Variants in FHIT observed in about 807,000 individuals in gnomAD.
The protein encoded by FHIT is fragile histidine triad diadenosine triphosphatase.
In FHIT, 19 loss-of-function variants were observed where a neutral mutation model predicts 17.9. The ratio of observed to expected loss-of-function variants is 1.06; its 90% CI spans 0.74 to 1.56. FHIT has a LOEUF of 1.56. Ranked by LOEUF, FHIT falls within the 40% of genes most tolerant of loss-of-function variation. The probability of loss-of-function intolerance (pLI) is 0.00; values close to 1 mark genes in which losing one functional copy is unlikely to be tolerated. For synonymous variants in FHIT, 81 were observed against 69.7 expected, an observed-to-expected ratio of 1.16 and a Z score of -0.81; for missense variants, 248 against 189.2, an observed-to-expected ratio of 1.31 and a Z score of -1.82.
intron 5 of FHIT, among the ~76,000 whole-genome samples, chr3:60,458,478 A>G (rs1396093870): frequency 2.6e-4 from 39 of 151,610 alleles, no homozygotes; most frequent in African/African-American, 9.0e-4. Flanking sequence ...TAGGAGATAT[A>G]CCTAATGTTA....
chr3:61,013,249 T>C (rs2031899381), intron 3 of FHIT, among the ~76,000 whole-genome samples: 1 of 152,206 alleles, frequency 6.6e-6, no homozygotes, highest in African/African-American at 2.4e-5. Context: ...TATGCTTTCC[T>C]GGCCCCACTT....
At chr3:59,855,118 G>T (rs370179253) in intron 8 of FHIT, among the ~76,000 whole-genome samples, 1 of 152,058 alleles carries the variant, frequency 6.6e-6, no homozygotes, top group Non-Finnish European at 1.5e-5. Context: ...TTTTCCCCTC[G>T]CAGGGTTCTT....
At chr3:60,035,266 C>T (rs1036361944) in intron 5 of FHIT, among the ~76,000 whole-genome samples, 14 of 152,262 alleles carry the variant, frequency 9.2e-5, no homozygotes, top group African/African-American at 1.9e-4. Flanking sequence ...GCAAAAAGAT[C>T]GCTCTTGTTG....
intron 2 of FHIT, among the ~76,000 whole-genome samples, chr3:61,197,145 T>C (rs1240237835): frequency 6.6e-6 from 1 of 152,230 alleles, no homozygotes; most frequent in African/African-American, 2.4e-5. Context: ...TTTTCATCTG[T>C]TTAAGAAATA....
intron 5 of FHIT, among the ~76,000 whole-genome samples, chr3:60,118,591 G>A (rs1307361408): frequency 6.6e-6 from 1 of 151,886 alleles, no homozygotes; most frequent in Non-Finnish European, 1.5e-5. Flanking sequence ...CTCCCCAGAG[G>A]TAAAGTGACT....
chr3:60,830,464 G>A (rs912056180), intron 3 of FHIT, among the ~76,000 whole-genome samples: 1 of 152,096 alleles, frequency 6.6e-6, no homozygotes, highest in South Asian at 2.1e-4. Context: ...ATTTCTCTCA[G>A]GGAATAAGAT....
chr3:59,846,417 A>T (rs1701722708), intron 8 of FHIT, among the ~76,000 whole-genome samples: 1 of 152,134 alleles, frequency 6.6e-6, no homozygotes, highest in Admixed American at 6.6e-5. Context: ...TGTTGATGTC[A>T]TAAAATTACA....
intron 1 of FHIT, among the ~76,000 whole-genome samples, chr3:61,222,176 GA>G (rs1329196544): frequency 6.6e-6 from 1 of 152,220 alleles, no homozygotes; most frequent in Non-Finnish European, 1.5e-5. Flanking sequence ...ACTCAGAGCA[GA>G]CCAAAGTTCA....
At chr3:61,145,520 C>G (rs1300206436) in intron 2 of FHIT, among the ~76,000 whole-genome samples, 1 of 151,826 alleles carries the variant, frequency 6.6e-6, no homozygotes, top group Non-Finnish European at 1.5e-5. Flanking sequence ...GTTCCACATG[C>G]AATTTAGGAT....
At chr3:60,867,564 A>AGTT (rs1704220773) in intron 3 of FHIT, among the ~76,000 whole-genome samples, 1 of 152,188 alleles carries the variant, frequency 6.6e-6, no homozygotes, top group Non-Finnish European at 1.5e-5. Context: ...TGTTTCATCC[A>AGTT]GTTCTCCTTT....
At chr3:60,116,975 A>T (rs1253482483) in intron 5 of FHIT, among the ~76,000 whole-genome samples, 1 of 152,206 alleles carries the variant, frequency 6.6e-6, no homozygotes, top group South Asian at 2.1e-4. Context: ...TAAAAAAATG[A>T]TTTAAATACA....
At chr3:60,563,619 A>G (rs147906648) in intron 4 of FHIT, among the ~76,000 whole-genome samples, 1 of 152,352 alleles carries the variant, frequency 6.6e-6, no homozygotes, top group Non-Finnish European at 1.5e-5. Flanking sequence ...AAACAGTAAG[A>G]AAGTAAAACA....
intron 8 of FHIT, among the ~76,000 whole-genome samples, chr3:59,809,885 T>C (rs1327685415): frequency 6.6e-6 from 1 of 152,176 alleles, no homozygotes; most frequent in Non-Finnish European, 1.5e-5. Flanking sequence ...CCTGGGGCCT[T>C]GGAAGCAAGC....
intron 8 of FHIT, among the ~76,000 whole-genome samples, chr3:59,836,382 T>A (rs1161341909): frequency 2.0e-5 from 3 of 152,116 alleles, no homozygotes; most frequent in Non-Finnish European, 4.4e-5. Context: ...CTGGTTTGGA[T>A]AACTAAGTAG....
chr3:59,876,378 G>C (rs1470945829), intron 8 of FHIT, among the ~76,000 whole-genome samples: 2 of 152,116 alleles, frequency 1.3e-5, no homozygotes, highest in Non-Finnish European at 2.9e-5. Flanking sequence ...ATTTAAACTA[G>C]AATAATCTGG....
intron 7 of FHIT, among the ~76,000 whole-genome samples, chr3:59,998,118 T>G (rs906760012): frequency 9.2e-5 from 14 of 152,172 alleles, no homozygotes; most frequent in African/African-American, 2.9e-4. Context: ...TTTATCTTTG[T>G]GCAAATTGCT....
At chr3:60,672,891 G>GTGTGTGTGTT (rs2040540881) in intron 4 of FHIT, among the ~76,000 whole-genome samples, 1 of 151,180 alleles carries the variant, frequency 6.6e-6, no homozygotes, top group Admixed American at 6.6e-5. Context: ...GTGTGTGTGT[G>GTGTGTGTGTT]TGTGTGTGTG....
chr3:59,874,841 T>C (rs1215011104), intron 8 of FHIT, among the ~76,000 whole-genome samples: 1 of 152,240 alleles, frequency 6.6e-6, no homozygotes, highest in Non-Finnish European at 1.5e-5. Flanking sequence ...ATTCCATTCC[T>C]TCTAGCACTC....
rs13088031 is a variant in FHIT at position 59,986,511 on chromosome 3, A to G, written c.279+24860T>C. 1.8e-4 allele frequency among the ~76,000 whole-genome samples: 2 copies of G among 11,370 alleles called. 1 individual carries two copies. The highest frequency in any genetic ancestry group is 6.2e-3 in the South Asian group (2 of 322). 7.5% of individuals were successfully genotyped at this position (11,370 alleles called of 152,430 possible). A position where few individuals can be genotyped will look rare whatever the true frequency, so the allele number is the denominator to read the frequency against. ...AAAGTAGTCCAAAATATATATATAT[A>G]TATATATATATATATATATATATAT... is the stretch of plus-strand genomic sequence containing the variant. On this transcript the variant is annotated intron_variant, in intron 7 of 9. Coordinates refer to ENST00000492590, the MANE Select transcript of FHIT (RefSeq NM_002012.4).
Sources: gnomAD v4.1 joint callset for allele counts (sites outside exome capture counted in the v4.1 genomes callset) on GRCh38, gnomAD v4.1.1 for gene constraint, MANE v1.5 for transcripts, NCBI Gene and HGNC (gene_info 2026-07-23, HGNC 2026-07-21) for gene names.